Variants in RSPO2 observed in about 807,000 individuals in gnomAD.
The protein encoded by RSPO2 is R-spondin-2.
Under a neutral mutation model 30.9 loss-of-function variants are expected in RSPO2, and 14 were observed. The observed-to-expected ratio is 0.45, with a 90% CI of 0.30 to 0.71. The LOEUF (loss-of-function observed/expected upper bound fraction) is 0.71, where lower values mean the gene tolerates loss of function less well. RSPO2 is among the 30% of genes least tolerant of loss of function. RSPO2 has a pLI of 0.08. For missense variants in RSPO2, 264 were observed against 301.9 expected (o/e 0.87, Z 0.93); for synonymous variants, 107 against 96.4 (o/e 1.11, Z -0.64).
chr8:107,919,819 C>T lies in RSPO2; in HGVS notation c.617-18629G>A, dbSNP rs1812095823. On this transcript the variant is annotated intron_variant, in intron 5 of 5. Transcript: ENST00000276659. Reference sequence around the variant, plus strand: ...GACTGGTTTGAGTAATAATAAAACTCCTCTGAAAAGAAAAAGTTACAAAAA... The same window carrying T: ...GACTGGTTTGAGTAATAATAAAACTTCTCTGAAAAGAAAAAGTTACAAAAA... Among the ~76,000 whole-genome samples, 4 of 151,920 alleles carry T rather than the reference C, an allele frequency of 2.6e-5. No individual in the cohort carries two copies. The South Asian group carries it at 8.3e-4, about 32-fold the overall frequency.
In RSPO2 at chr8:108,076,108, G is replaced by A. The variant is rs75461582; in HGVS notation, c.94+6437C>T. Among the ~76,000 whole-genome samples, 338 of 152,346 alleles carry A rather than the reference G, an allele frequency of 2.2e-3. 1 individual carries two copies. Among genetic ancestry groups the A allele is most frequent in the African/African-American group, 7.7e-3 (322 of 41,590 alleles). ...AAAATTCCAGGAAGGCTTCACAGAA[G>A]CAGTGGCATTTTAGGTGGGCACCAC... On this transcript the variant is annotated intron_variant, in intron 2 of 5. Transcript: ENST00000276659.
chr8:108,063,699 C>CA (rs1291883723), intron 2 of RSPO2, among the ~76,000 whole-genome samples: 2 of 151,626 alleles, frequency 1.3e-5, no homozygotes, highest in Non-Finnish European at 1.5e-5. Context: ...CATATGGAAC[C>CA]AAAAAGAGCC....
At chr8:107,946,397 G>A (rs1046106404) in intron 5 of RSPO2, among the ~76,000 whole-genome samples, 1 of 152,184 alleles carries the variant, frequency 6.6e-6, no homozygotes, top group Non-Finnish European at 1.5e-5. Context: ...GGAAAGGGGG[G>A]CTGTCCCAGG....
chr8:108,033,215 G>A (rs978360489), intron 2 of RSPO2, among the ~76,000 whole-genome samples: 6 of 151,958 alleles, frequency 3.9e-5, no homozygotes, highest in African/African-American at 1.5e-4. Flanking sequence ...ATTTCTTATT[G>A]TATACTGCAG....
At chr8:107,959,380 A>G (rs1813546173) in intron 4 of RSPO2, among the ~76,000 whole-genome samples, 1 of 152,092 alleles carries the variant, frequency 6.6e-6, no homozygotes, top group African/African-American at 2.4e-5. Context: ...CTACCCCCCA[A>G]CTCCCAGGGG....
At chr8:108,066,603 C>T (rs1406216568) in intron 2 of RSPO2, among the ~76,000 whole-genome samples, 1 of 152,122 alleles carries the variant, frequency 6.6e-6, no homozygotes, top group East Asian at 1.9e-4. Context: ...AAACACGTAT[C>T]AACTCTCTTT....
At chr8:108,057,706 C>G (rs896075027) in intron 2 of RSPO2, among the ~76,000 whole-genome samples, 1 of 151,866 alleles carries the variant, frequency 6.6e-6, no homozygotes, top group Non-Finnish European at 1.5e-5. Flanking sequence ...AAAAAAATCC[C>G]AAGAATCTTT....
intron 2 of RSPO2, among the ~76,000 whole-genome samples, chr8:108,012,096 T>C (rs866287863): frequency 6.6e-6 from 1 of 152,220 alleles, no homozygotes; most frequent in African/African-American, 2.4e-5. Context: ...CAAATAACTA[T>C]AGTATTTGGA....
At chr8:107,912,649 A>G (rs534779406) in intron 5 of RSPO2, among the ~76,000 whole-genome samples, 1 of 152,346 alleles carries the variant, frequency 6.6e-6, no homozygotes, top group South Asian at 2.1e-4. Flanking sequence ...AAAATTCTAA[A>G]GAGACTAAGA....
chr8:107,982,760 C>T (rs1055982685), intron 3 of RSPO2, among the ~76,000 whole-genome samples: 5 of 152,258 alleles, frequency 3.3e-5, no homozygotes, highest in South Asian at 4.1e-4. Context: ...AACAGTGCAA[C>T]GCTGACATTG....
chr8:107,931,713 T>A (rs117314412), intron 5 of RSPO2, among the ~76,000 whole-genome samples: 116 of 152,262 alleles, frequency 7.6e-4, no homozygotes, highest in Non-Finnish European at 1.2e-3. Flanking sequence ...AGTGCATTCA[T>A]CTAATTTTCA....
At chr8:107,921,343 T>G (rs1812164575) in intron 5 of RSPO2, among the ~76,000 whole-genome samples, 1 of 151,124 alleles carries the variant, frequency 6.6e-6, no homozygotes, top group Non-Finnish European at 1.5e-5. Context: ...AAGAAAAAAT[T>G]TACTCTTCCA....
In RSPO2 at chr8:107,900,995, A is replaced by G; in HGVS notation, c.*80T>C. 1.4e-6 allele frequency: 2 copies of G among 1,474,682 alleles called. No homozygotes were observed. The highest frequency in any genetic ancestry group is 1.9e-6 in the Non-Finnish European group (2 of 1,076,298). 91.3% of individuals were successfully genotyped at this position (1,474,682 alleles called of 1,614,324 possible). A position where few individuals can be genotyped will look rare whatever the true frequency, so the allele number is the denominator to read the frequency against. ...GGGCAGAGCAGCACAAAGGCTGCAC[A>G]CCAGTGTGCAGGAGTGGAGAGTAGC... On this transcript the variant is annotated 3_prime_UTR_variant, in exon 6 of 6. Transcript: ENST00000276659.
rs781000700 is a variant in RSPO2, at chr8:107,954,027, G to A, written c.616+4053C>T. ...AAAAAGCTCTCTAAGGACTCTTTGA[G>A]CAATCCCATGCCTAGACTTATGATT... is the stretch of plus-strand genomic sequence containing the variant. On this transcript the variant is annotated intron_variant, in intron 5 of 5. Transcript: ENST00000276659. Among the ~76,000 whole-genome samples the A allele has an allele frequency of 7.2e-5, 11 of 152,248 alleles. No homozygotes were observed. In the South Asian group the frequency reaches 2.3e-3, roughly 32 times the overall value.
chr8:108,069,084 T>G (rs921493502), intron 2 of RSPO2, among the ~76,000 whole-genome samples: 1 of 152,246 alleles, frequency 6.6e-6, no homozygotes, highest in Non-Finnish European at 1.5e-5. Context: ...TTTCTCTTAA[T>G]GCAACCAATT....
At chr8:107,950,476 G>A (rs537240120) in intron 5 of RSPO2, among the ~76,000 whole-genome samples, 1 of 121,824 alleles carries the variant, frequency 8.2e-6, no homozygotes, top group East Asian at 3.2e-4. Flanking sequence ...AGTTTTAATA[G>A]GTTACATTTT....
At chr8:107,930,650 C>T (rs75517543) in intron 5 of RSPO2, among the ~76,000 whole-genome samples, 3,806 of 152,316 alleles carry the variant, frequency 0.025, 76 homozygotes, top group Non-Finnish European at 0.038. Flanking sequence ...GCAATGATTT[C>T]AAAGTATGTT....
chr8:108,045,514 C>T (rs1256050713), intron 2 of RSPO2, among the ~76,000 whole-genome samples: 2 of 152,086 alleles, frequency 1.3e-5, no homozygotes, highest in African/African-American at 4.8e-5. Flanking sequence ...AAAATTCAAA[C>T]ATTCGGAGAA....
rs192011429 is a variant in RSPO2 at position 108,068,089 on chromosome 8, C to A, written c.94+14456G>T. Among the ~76,000 whole-genome samples the A allele has an allele frequency of 1.0e-2, 1,513 of 151,870 alleles. 11 individuals are homozygous for A. Among genetic ancestry groups the A allele is most frequent in the South Asian group, 0.018 (85 of 4,810 alleles). The stretch of plus-strand genomic sequence containing the variant: ...GTCTCAAAAACAAACAAAAAAAAAA[C>A]AGCTAAACTGAATGTTCAGCTTCAG... On this transcript the variant is annotated intron_variant, in intron 2 of 5. Transcript: ENST00000276659.
Sources: gnomAD v4.1 joint callset for allele counts (sites outside exome capture counted in the v4.1 genomes callset) on GRCh38, gnomAD v4.1.1 for gene constraint, MANE v1.5 for transcripts, NCBI Gene and HGNC (gene_info 2026-07-23, HGNC 2026-07-21) for gene names.